The following PGCKA1 variants were observed in gnomAD, a reference collection of about 807,000 sequenced individuals.
The protein encoded by PGCKA1 is PDCD10 and GCKIII kinases-associated protein 1.
chr4:37,471,893 C>A, the PGCKA1 span, among the ~76,000 whole-genome samples: 24 of 152,310 alleles, frequency 1.6e-4, no homozygotes, highest in African/African-American at 5.8e-4. Context: ...GAGATGCTAG[C>A]AACTGCCCTT....
At chr4:37,512,394 C>G in the PGCKA1 span, among the ~76,000 whole-genome samples, 1 of 152,022 alleles carries the variant, frequency 6.6e-6, no homozygotes, top group East Asian at 1.9e-4. Context: ...AAATCAAGTC[C>G]CCACATTTCC....
the PGCKA1 span, among the ~76,000 whole-genome samples, chr4:37,551,538 G>A: frequency 6.6e-6 from 1 of 152,190 alleles, no homozygotes; most frequent in Non-Finnish European, 1.5e-5. Context: ...TATCAAAATA[G>A]ATTGGCTCTC....
chr4:37,540,945 C>CA, the PGCKA1 span, among the ~76,000 whole-genome samples: 1 of 146,608 alleles, frequency 6.8e-6, no homozygotes, highest in African/African-American at 2.5e-5. Context: ...AAAAAAACCC[C>CA]TTTTTTTTTT....
the PGCKA1 span, among the ~76,000 whole-genome samples, chr4:37,464,834 C>A: frequency 6.6e-6 from 1 of 152,100 alleles, no homozygotes; most frequent in Non-Finnish European, 1.5e-5. Context: ...AGGGTAAAAC[C>A]TATAATCAAT....
At chr4:37,474,094 A>C in the PGCKA1 span, among the ~76,000 whole-genome samples, 1 of 152,228 alleles carries the variant, frequency 6.6e-6, no homozygotes, top group African/African-American at 2.4e-5. Flanking sequence ...TGTGTTTGAA[A>C]TTTAATCCTC....
the PGCKA1 span, among the ~76,000 whole-genome samples, chr4:37,464,841 C>G: frequency 6.6e-6 from 1 of 152,182 alleles, no homozygotes; most frequent in East Asian, 1.9e-4. Context: ...AACCTATAAT[C>G]AATTCCATGT....
chr4:37,462,962 CAAAAAAAAAAA>C, the PGCKA1 span, among the ~76,000 whole-genome samples: 1 of 60,304 alleles, frequency 1.7e-5, no homozygotes, highest in African/African-American at 6.9e-5. Flanking sequence ...GACTCAGTAT[CAAAAAAAAAAA>C]AAAAAAAAAA....
the PGCKA1 span, chr4:37,590,501 T>C: frequency 6.2e-7 from 1 of 1,614,038 alleles, no homozygotes; most frequent in South Asian, 1.1e-5. Context: ...GACTGTGTGC[T>C]GCTGGCCTCA....
At chr4:37,538,067 TCA>T in the PGCKA1 span, among the ~76,000 whole-genome samples, 65 of 150,022 alleles carry the variant, frequency 4.3e-4, no homozygotes, top group Non-Finnish European at 8.3e-4. Context: ...CACAACCCTG[TCA>T]CACACACACA....
At chr4:37,563,603 G>A in the PGCKA1 span, among the ~76,000 whole-genome samples, 1 of 152,072 alleles carries the variant, frequency 6.6e-6, no homozygotes, top group Non-Finnish European at 1.5e-5. Flanking sequence ...GTGAATTTGG[G>A]GGAAGACACA....
At chr4:37,463,945 G>T in the PGCKA1 span, among the ~76,000 whole-genome samples, 1 of 151,996 alleles carries the variant, frequency 6.6e-6, no homozygotes, top group South Asian at 2.1e-4. Context: ...AAGAATCCAC[G>T]GCTGGAGCAC....
At chr4:37,570,011 G>A in the PGCKA1 span, among the ~76,000 whole-genome samples, 14 of 128,908 alleles carry the variant, frequency 1.1e-4, no homozygotes, top group Admixed American at 1.3e-3. Context: ...ACGGAGTCTC[G>A]CTCTGTCGCC....
At chr4:37,498,945 A>G in the PGCKA1 span, among the ~76,000 whole-genome samples, 51 of 152,300 alleles carry the variant, frequency 3.3e-4, no homozygotes, top group Middle Eastern at 0.014. Flanking sequence ...ATTTGGTACA[A>G]TGTTGGTTGT....
the PGCKA1 span, chr4:37,590,172 T>C: frequency 1.9e-6 from 3 of 1,614,040 alleles, no homozygotes; most frequent in Non-Finnish European, 2.5e-6. Flanking sequence ...ACGACACTGA[T>C]AAATTAAAAG....
the PGCKA1 span, among the ~76,000 whole-genome samples, chr4:37,589,381 C>G: frequency 6.6e-6 from 1 of 152,108 alleles, no homozygotes; most frequent in African/African-American, 2.4e-5. Context: ...CCACTGTAAT[C>G]ATACTGTGAT....
chr4:37,519,726 C>G, the PGCKA1 span, among the ~76,000 whole-genome samples: 195 of 152,272 alleles, frequency 1.3e-3, no homozygotes, highest in Non-Finnish European at 4.9e-4. Flanking sequence ...AATTTGACTT[C>G]TTACATTCCA....
chr4:37,487,584 A>G, the PGCKA1 span, among the ~76,000 whole-genome samples: 1 of 152,208 alleles, frequency 6.6e-6, no homozygotes, highest in Non-Finnish European at 1.5e-5. Flanking sequence ...TCAAATTTCC[A>G]TCAAGATATA....
the PGCKA1 span, among the ~76,000 whole-genome samples, chr4:37,497,239 C>T: frequency 6.6e-6 from 1 of 152,082 alleles, no homozygotes; most frequent in African/African-American, 2.4e-5. Flanking sequence ...CAGTCTCATC[C>T]AGGTCATCAC....
the PGCKA1 span, among the ~76,000 whole-genome samples, chr4:37,511,953 A>G: frequency 6.6e-6 from 1 of 152,206 alleles, no homozygotes; most frequent in Non-Finnish European, 1.5e-5. Context: ...GCCAGTCCAA[A>G]TATTCCCTCT....
Sources: gnomAD v4.1 joint callset for allele counts (sites outside exome capture counted in the v4.1 genomes callset) on GRCh38, gnomAD v4.1.1 for gene constraint, MANE v1.5 for transcripts, NCBI Gene and HGNC (gene_info 2026-07-23, HGNC 2026-07-21) for gene names.